MAGI2: variants seen among roughly 807,000 people sequenced by gnomAD.
MAGI2 encodes membrane-associated guanylate kinase, WW and PDZ domain-containing protein 2.
In MAGI2, 35 loss-of-function variants were observed where a neutral mutation model predicts 133.3. The ratio of observed to expected loss-of-function variants is 0.26; its 90% CI spans 0.20 to 0.35. MAGI2 has a LOEUF of 0.35. MAGI2 is among the 10% of genes least tolerant of loss of function. The pLI, the probability that MAGI2 is intolerant of heterozygous loss-of-function variation, is 1.00. For synonymous variants in MAGI2, 729 were observed against 710.6 expected (o/e 1.03, Z -0.41); for missense variants, 1,636 against 1,863.4 (o/e 0.88, Z 2.25).
At chr7:79,280,677 C>G (rs560898366) in intron 1 of MAGI2, among the ~76,000 whole-genome samples, 7 of 151,578 alleles carry the variant, frequency 4.6e-5, no homozygotes, top group Non-Finnish European at 1.0e-4. Flanking sequence ...GCCTGTAACC[C>G]CAGTATTTTG....
At chr7:79,255,350 G>A (rs1419218404) in intron 1 of MAGI2, among the ~76,000 whole-genome samples, 1 of 152,174 alleles carries the variant, frequency 6.6e-6, no homozygotes, top group Non-Finnish European at 1.5e-5. Flanking sequence ...GTCAGCTAGA[G>A]GTGGTCATTG....
At chr7:78,550,288 G>A (rs1267413771) in intron 3 of MAGI2, among the ~76,000 whole-genome samples, 1 of 152,036 alleles carries the variant, frequency 6.6e-6, no homozygotes, top group African/African-American at 2.4e-5. Context: ...CCCATTCTTT[G>A]GGCACCTCAG....
At chr7:78,573,468 A>C (rs1801946002) in intron 3 of MAGI2, among the ~76,000 whole-genome samples, 1 of 126,014 alleles carries the variant, frequency 7.9e-6, no homozygotes, top group Admixed American at 9.2e-5. Flanking sequence ...GTGGCAGAGC[A>C]GCAGCCTGGA....
intron 1 of MAGI2, among the ~76,000 whole-genome samples, chr7:79,261,289 C>T (rs147993978): frequency 2.5e-4 from 38 of 152,292 alleles, no homozygotes; most frequent in Middle Eastern, 3.4e-3. Flanking sequence ...GACGTCCCTC[C>T]GACACACCAG....
intron 1 of MAGI2, among the ~76,000 whole-genome samples, chr7:79,321,189 G>A (rs1438811152): frequency 1.3e-5 from 2 of 152,114 alleles, no homozygotes; most frequent in African/African-American, 4.8e-5. Context: ...GTTAATAAGT[G>A]AAAATAGATT....
At chr7:79,154,237 A>T (rs1823543160) in intron 1 of MAGI2, among the ~76,000 whole-genome samples, 1 of 152,230 alleles carries the variant, frequency 6.6e-6, no homozygotes, top group South Asian at 2.1e-4. Flanking sequence ...AAAGTATTCA[A>T]TAAAGTAGTC....
chr7:78,339,629 A>G (rs569565695), intron 9 of MAGI2, among the ~76,000 whole-genome samples: 1 of 152,340 alleles, frequency 6.6e-6, no homozygotes, highest in South Asian at 2.1e-4. Context: ...AGATGGAATT[A>G]GTCCCACAAT....
chr7:79,451,421 T>G (rs1007970307), intron 1 of MAGI2, among the ~76,000 whole-genome samples: 2 of 152,220 alleles, frequency 1.3e-5, no homozygotes, highest in African/African-American at 4.8e-5. Flanking sequence ...ATCTCTGTAT[T>G]TGAACCTTAG....
chr7:78,289,381 T>C (rs1796465070), intron 9 of MAGI2, among the ~76,000 whole-genome samples: 1 of 152,018 alleles, frequency 6.6e-6, no homozygotes, highest in South Asian at 2.1e-4. Flanking sequence ...ATGAATGAAA[T>C]GAAGCGAGAA....
At chr7:78,752,632 A>T (rs1182714848) in intron 2 of MAGI2, among the ~76,000 whole-genome samples, 26 of 152,156 alleles carry the variant, frequency 1.7e-4, no homozygotes, top group Admixed American at 1.7e-3. Flanking sequence ...ATAGTCACAG[A>T]AAGACCCTGT....
chr7:78,841,737 G>T (rs1792161733), intron 2 of MAGI2, among the ~76,000 whole-genome samples: 1 of 151,996 alleles, frequency 6.6e-6, no homozygotes, highest in Admixed American at 6.6e-5. Context: ...GAAATTCCAT[G>T]CTCCAGGTTT....
chr7:79,063,917 C>G (rs1814041870), intron 1 of MAGI2, among the ~76,000 whole-genome samples: 1 of 152,064 alleles, frequency 6.6e-6, no homozygotes, highest in African/African-American at 2.4e-5. Context: ...AAGGAAGTTT[C>G]TACATTTTAA....
chr7:78,489,708 A>G (rs1177311899), intron 6 of MAGI2, 53 bp downstream of exon 6: 10 of 1,356,058 alleles, frequency 7.4e-6, no homozygotes, highest in Non-Finnish European at 1.0e-5. Flanking sequence ...TTTAAGAAAC[A>G]CAAACATTCT....
intron 1 of MAGI2, among the ~76,000 whole-genome samples, chr7:79,119,609 C>T (rs541799390): frequency 6.6e-6 from 1 of 151,982 alleles, no homozygotes. Flanking sequence ...TAGTTGGAAA[C>T]CTAGATTTTA....
intron 9 of MAGI2, 137 bp from the exon 10 acceptor site, chr7:78,256,718 A>C (rs372163568): frequency 4.2e-6 from 3 of 707,364 alleles, no homozygotes; most frequent in South Asian, 3.8e-5. Flanking sequence ...TAATACTTAA[A>C]ATCACTGTGG....
intron 9 of MAGI2, among the ~76,000 whole-genome samples, chr7:78,323,727 C>T (rs1190530646): frequency 6.6e-6 from 1 of 152,094 alleles, no homozygotes; most frequent in Non-Finnish European, 1.5e-5. Flanking sequence ...TAAAATTGTG[C>T]TTAATTTGGT....
At chr7:78,080,609 A>G (rs1815851018) in intron 20 of MAGI2, among the ~76,000 whole-genome samples, 1 of 150,942 alleles carries the variant, frequency 6.6e-6, no homozygotes, top group Non-Finnish European at 1.5e-5. Context: ...ATGAAGTTAC[A>G]TATAGAAAAA....
At chr7:79,206,450 A>C (rs1829067303) in intron 1 of MAGI2, among the ~76,000 whole-genome samples, 1 of 148,090 alleles carries the variant, frequency 6.8e-6, no homozygotes, top group Non-Finnish European at 1.5e-5. Context: ...AAATTATGAC[A>C]ACAAATTGGA....
chr7:78,666,471 C>A (rs1813601103), intron 2 of MAGI2, among the ~76,000 whole-genome samples: 1 of 152,028 alleles, frequency 6.6e-6, no homozygotes, highest in South Asian at 2.1e-4. Flanking sequence ...TGACAAAGTA[C>A]CCCTTTGAAA....
Sources: allele counts gnomAD v4.1 joint callset (sites outside exome capture counted in the v4.1 genomes callset), GRCh38; gene constraint gnomAD v4.1.1; transcripts MANE v1.5; gene names NCBI Gene and HGNC (gene_info 2026-07-23, HGNC 2026-07-21).